Variants in C1orf226 observed in about 807,000 individuals in gnomAD.
C1orf226 encodes the protein chromosome 1 open reading frame 226.
Under a neutral mutation model 10.5 loss-of-function variants are expected in C1orf226, and 4 were observed. The observed-to-expected ratio is 0.38, with a 90% CI of 0.19 to 0.87. The LOEUF is 0.87. Among genes scored for constraint, C1orf226 ranks in the 40% least tolerant of loss-of-function variants. The probability of loss-of-function intolerance (pLI) is 0.41; values close to 1 mark genes in which losing one functional copy is unlikely to be tolerated. For synonymous variants in C1orf226, 125 were observed against 139.3 expected (o/e 0.90, Z 0.72); for missense variants, 313 against 336.2 (o/e 0.93, Z 0.54).
upstream of C1orf226, among the ~76,000 whole-genome samples, chr1:162,380,294 G>A (rs563396512): frequency 2.6e-5 from 4 of 152,300 alleles, no homozygotes; most frequent in East Asian, 3.9e-4. Flanking sequence ...GGGCTCATCC[G>A]CAGAGAGTAG....
In C1orf226 at chr1:162,381,987, G is replaced by C. The variant is rs780477330; in HGVS notation, c.86G>C (p.Gly29Ala). 6.2e-7 allele frequency: 1 copy of C among 1,612,762 alleles called. No homozygotes were observed. The highest frequency in any genetic ancestry group is 8.5e-7 in the Non-Finnish European group (1 of 1,179,820). The part of the protein sequence containing the change: ...FPHLSKPVAP[G>A]SAPLGSGEPG... ...CACTTGTCCAAGCCCGTGGCCCCCG[G>C]CTCTGCCCCTCTGGGCTCTGGTGAG... The change falls in exon 1 of 2, where the codon GGC becomes GCC. Residue 29 changes from glycine to alanine, a missense_variant. By Grantham distance (60) the Gly-to-Ala change is moderately conservative. Coordinates refer to ENST00000458626, the MANE Select transcript of C1orf226 (RefSeq NM_001085375.2).
At chr1:162,381,358 C>T (rs555700723), upstream of C1orf226, among the ~76,000 whole-genome samples, 35 of 152,190 alleles carry the variant, frequency 2.3e-4, no homozygotes, top group Admixed American at 5.9e-4. Context: ...CCCACTCGCT[C>T]AAGGCCCACC....
upstream of C1orf226, chr1:162,379,050 T>C (rs1430877611): frequency 6.7e-7 from 1 of 1,497,240 alleles, no homozygotes; most frequent in African/African-American, 1.4e-5. Flanking sequence ...TCCTGTTTTT[T>C]TGTGGATGAC....
chr1:162,383,265 C>G lies in C1orf226; in HGVS notation c.401C>G (p.Thr134Ser). The G allele has an allele frequency of 6.2e-7, 1 of 1,613,932 alleles. No homozygotes were observed. Among genetic ancestry groups the G allele is most frequent in the Non-Finnish European group, 8.5e-7 (1 of 1,179,832 alleles). ...RKRTPRALKTTQDMLISSQPV... is the reference protein window; with the variant it reads ...RKRTPRALKTSQDMLISSQPV... The stretch of plus-strand genomic sequence containing the variant: ...CGAACCCCTCGGGCCCTGAAGACCA[C>G]CCAGGACATGCTGATTTCATCACAG... Residue 134 changes from threonine (T) to serine (S), a missense_variant, in exon 2 of 2, where the codon ACC (threonine) becomes AGC (serine). Thr to Ser is a moderately conservative substitution (Grantham distance 58). Coordinates refer to ENST00000458626, the MANE Select transcript of C1orf226 (RefSeq NM_001085375.2).
chr1:162,379,325 G>A (rs532903882), upstream of C1orf226, among the ~76,000 whole-genome samples: 1 of 152,052 alleles, frequency 6.6e-6, no homozygotes. Flanking sequence ...GAATAGAAGG[G>A]CAGTTATCCG....
rs201169467 is a variant in C1orf226, at chr1:162,381,962, C to A, written c.61C>A (p.His21Asn). Residue 21 changes from histidine (H) to asparagine (N), a missense_variant, in exon 1 of 2, where the codon CAC (histidine) becomes AAC (asparagine). Physicochemically the swap from His to Asn is moderately conservative, Grantham distance 68. Coordinates refer to ENST00000458626, the MANE Select transcript of C1orf226 (RefSeq NM_001085375.2). ...GCTCCAGGCCAGCCGCTCCTTCCCC[C>A]ACTTGTCCAAGCCCGTGGCCCCCGG... is the stretch of plus-strand genomic sequence containing the variant. ...PKLQASRSFP[H>N]LSKPVAPGSA... 1,993 of 1,612,938 alleles carry A rather than the reference C, an allele frequency of 1.2e-3. 4 individuals carry two copies. The highest frequency in any genetic ancestry group is 1.5e-3 in the Non-Finnish European group (1,778 of 1,179,890).
At position 162,383,336 on chromosome 1, in the gene C1orf226, C is replaced by G. The variant is rs765213273; in HGVS notation, c.472C>G (p.Gln158Glu). ...LEYGTEPSPG[Q>E]AQDSAPTAQP... ...GTATGGGACAGAGCCATCACCTGGG[C>G]AGGCCCAGGACTCCGCTCCCACTGC... Residue 158 changes from glutamine to glutamate, a missense_variant, in exon 2 of 2, where the codon CAG becomes GAG. Gln to Glu is a conservative substitution (Grantham distance 29). Coordinates refer to ENST00000458626, the MANE Select transcript of C1orf226 (RefSeq NM_001085375.2). 1.2e-6 allele frequency: 2 copies of G among 1,609,562 alleles called. No homozygotes were observed. The highest frequency in any genetic ancestry group is 2.7e-5 in the African/African-American group (2 of 74,826).
In C1orf226 at chr1:162,383,628, G is replaced by A. The variant is rs770744623; in HGVS notation, c.764G>A (p.Arg255Gln). ...GATGGCAGCCCCCCTCCTCAGGCAC[G>A]GACCTCCAGCCTCGACAATGAGGGC... ...WEDGSPPPQA[R>Q]TSSLDNEGPH... The change falls in exon 2 of 2, where the codon CGG becomes CAG. Residue 255 changes from arginine to glutamine, a missense_variant. Arg to Gln is a conservative substitution (Grantham distance 43, BLOSUM62 1). Coordinates refer to ENST00000458626, the MANE Select transcript of C1orf226 (RefSeq NM_001085375.2). 1.4e-5 allele frequency: 22 copies of A among 1,609,150 alleles called. No homozygotes were observed. The highest frequency in any genetic ancestry group is 8.9e-5 in the East Asian group (4 of 44,716).
chr1:162,383,172 A>C lies in C1orf226; in HGVS notation c.318-10A>C. The C allele has an allele frequency of 6.5e-7, 1 of 1,548,498 alleles. No homozygotes were observed. ...TAAGGCATGTGTGTTTATTGTCATT[A>C]ACCTTACAGGTCAGTCCTGCAAGAA... On this transcript the variant is annotated splice_polypyrimidine_tract_variant and intron_variant, in intron 1 of 1. Transcript: ENST00000458626.
At position 162,386,602 on chromosome 1, in the gene C1orf226, G is replaced by C. The variant is rs1047798; in HGVS notation, c.*2919G>C. 0.39 allele frequency: 59,510 copies of C among 152,038 alleles called. 11,696 individuals are homozygous for C. Among genetic ancestry groups the C allele is most frequent in the Non-Finnish European group, 0.4 (27,118 of 67,988 alleles). The allele number at this position is 152,038 out of a possible 1,614,324, so 9.4% of individuals were successfully genotyped here. A position where few individuals can be genotyped will look rare whatever the true frequency, so the allele number is the denominator to read the frequency against. On this transcript the variant is annotated 3_prime_UTR_variant, in exon 2 of 2. Coordinates refer to ENST00000458626, the MANE Select transcript of C1orf226 (RefSeq NM_001085375.2). ...AGGCTGGTGTATCCCCCTGCACAGA[G>C]GGAAGTGTATCTGAATGTTGTGTAT...
In C1orf226 at chr1:162,384,330, C is replaced by T. The variant is rs1648037285; in HGVS notation, c.*647C>T. ...AGGCCAGAGGAGATGCTTACCAGGC[C>T]TGAGACCTTGAGAGTTCACCCAGGG... On this transcript the variant is annotated 3_prime_UTR_variant, in exon 2 of 2. Coordinates refer to ENST00000458626, the MANE Select transcript of C1orf226 (RefSeq NM_001085375.2). The T allele has an allele frequency of 6.6e-6, 1 of 152,388 alleles. No homozygotes were observed. The highest frequency in any genetic ancestry group is 2.1e-4 in the South Asian group (1 of 4,832). The allele number at this position is 152,388 out of a possible 1,614,324, so 9.4% of individuals were successfully genotyped here.
chr1:162,379,706 A>G (rs779243131), upstream of C1orf226, among the ~76,000 whole-genome samples: 3 of 152,222 alleles, frequency 2.0e-5, no homozygotes, highest in Non-Finnish European at 4.4e-5. Context: ...AAGGGTAGAG[A>G]GCAAAAAATA....
In C1orf226 at chr1:162,383,536, C is replaced by A. The variant is rs376932252; in HGVS notation, c.672C>A (p.Pro224=). 2 of 1,606,142 alleles carry A rather than the reference C, an allele frequency of 1.2e-6. No individual in the cohort carries two copies. Among genetic ancestry groups the A allele is most frequent in the Admixed American group, 1.7e-5 (1 of 59,108 alleles). The change falls in exon 2 of 2, where the codon CCC becomes CCA. Residue 224 remains proline (P), a synonymous_variant. Coordinates refer to ENST00000458626, the MANE Select transcript of C1orf226 (RefSeq NM_001085375.2). ...KMTECRRASS[P]SLIERNGFKL... ...CTGAGTGCAGAAGGGCCTCCTCCCC[C>A]AGCCTTATCGAGAGGAATGGCTTCA...
At chr1:162,379,515 A>G (rs901606041), upstream of C1orf226, among the ~76,000 whole-genome samples, 2 of 152,258 alleles carry the variant, frequency 1.3e-5, no homozygotes, top group African/African-American at 4.8e-5. Context: ...ACTATCGTGC[A>G]AGACCCTAAG....
At chr1:162,382,329 A>G (rs1294340080) in intron 1 of C1orf226, 111 bp downstream of exon 1, 3 of 1,348,416 alleles carry the variant, frequency 2.2e-6, no homozygotes, top group East Asian at 2.5e-5. Flanking sequence ...GAGGGGTGTG[A>G]GATTGTCCTG....
intron 1 of C1orf226, 146 bp downstream of exon 1, chr1:162,382,364 C>A: frequency 9.6e-7 from 1 of 1,036,876 alleles, no homozygotes; most frequent in African/African-American, 1.7e-5. Context: ...AGGATCAGGC[C>A]ACGTTCTCGG....
chr1:162,381,636 A>G (rs557201094), upstream of C1orf226: 3 of 1,272,652 alleles, frequency 2.4e-6, no homozygotes, highest in Admixed American at 3.9e-5. Flanking sequence ...GTTTACAGGA[A>G]CAACTTTATT....
At position 162,381,807 on chromosome 1, in the gene C1orf226, T is replaced by G; in HGVS notation, c.-95T>G. On this transcript the variant is annotated 5_prime_UTR_variant, in exon 1 of 2. Coordinates refer to ENST00000458626, the MANE Select transcript of C1orf226 (RefSeq NM_001085375.2). Reference sequence around the variant, plus strand: ...CCTTGGAAGTTACAGGTTTTGGGTGTGGGATAAGGAAAAACTGAATGATAG... The same window carrying G: ...CCTTGGAAGTTACAGGTTTTGGGTGGGGGATAAGGAAAAACTGAATGATAG... 6.5e-7 allele frequency: 1 copy of G among 1,533,822 alleles called. No homozygotes were observed. The highest frequency in any genetic ancestry group is 2.3e-5 in the East Asian group (1 of 42,554).
Position 162,381,794 on chromosome 1 carries a change from C to G in C1orf226, c.-108C>G. 7.9e-6 allele frequency: 12 copies of G among 1,514,418 alleles called. No homozygotes were observed. Among genetic ancestry groups the G allele is most frequent in the Non-Finnish European group, 1.1e-5 (12 of 1,137,578 alleles). 93.8% of individuals were successfully genotyped at this position (1,514,418 alleles called of 1,614,324 possible). ...AATATTTCCAAAGCCTTGGAAGTTA[C>G]AGGTTTTGGGTGTGGGATAAGGAAA... is the stretch of plus-strand genomic sequence containing the variant. On this transcript the variant is annotated 5_prime_UTR_variant, in exon 1 of 2. Coordinates refer to ENST00000458626, the MANE Select transcript of C1orf226 (RefSeq NM_001085375.2).
Sources: gnomAD v4.1 joint callset for allele counts (sites outside exome capture counted in the v4.1 genomes callset) on GRCh38, gnomAD v4.1.1 for gene constraint, MANE v1.5 for transcripts, NCBI Gene and HGNC (gene_info 2026-07-23, HGNC 2026-07-21) for gene names.